TAFA5: variants seen among roughly 807,000 people sequenced by gnomAD.
The protein encoded by TAFA5 is TAFA chemokine like family member 5.
In TAFA5, 6 loss-of-function variants were observed where a neutral mutation model predicts 15.3. The ratio of observed to expected loss-of-function variants is 0.39; its 90% CI spans 0.21 to 0.77. The LOEUF (loss-of-function observed/expected upper bound fraction) is 0.77. Among genes scored for constraint, TAFA5 ranks in the 30% least tolerant of loss-of-function variants. The probability of loss-of-function intolerance (pLI) is 0.41; values close to 1 mark genes in which losing one functional copy is unlikely to be tolerated. For missense variants in TAFA5, 161 were observed against 193.1 expected (o/e 0.83, Z 0.98); for synonymous variants, 103 against 80.7 (o/e 1.28, Z -1.48).
At chr22:48,562,401 G>A (rs906058768) in intron 1 of TAFA5, among the ~76,000 whole-genome samples, 2 of 152,176 alleles carry the variant, frequency 1.3e-5, no homozygotes, top group Non-Finnish European at 2.9e-5. Context: ...GCCTCCCAAA[G>A]TGCTGGGATT....
intron 3 of TAFA5, among the ~76,000 whole-genome samples, chr22:48,735,717 C>T (rs1037725081): frequency 6.6e-5 from 10 of 151,984 alleles, no homozygotes; most frequent in Admixed American, 5.2e-4. Context: ...AGGCAGCAAT[C>T]GCCCTCCTAG....
Position 48,680,694 on chromosome 22 carries a change from G to A in TAFA5, c.263-27023G>A, listed in dbSNP as rs1298035960. 2.6e-5 allele frequency among the ~76,000 whole-genome samples: 4 copies of A among 152,362 alleles called. No individual in the cohort carries two copies. The East Asian group carries it at 5.8e-4, about 22-fold the overall frequency. ...ATGCCAGGTCTCTAGGGCAGAGGAG[G>A]ACTGAGGATGTGGTCCTCACCGTGG... On this transcript the variant is annotated intron_variant, in intron 2 of 3. Transcript: ENST00000402357.
intron 1 of TAFA5, among the ~76,000 whole-genome samples, chr22:48,575,437 C>T (rs1923736983): frequency 6.8e-6 from 1 of 146,334 alleles, no homozygotes; most frequent in South Asian, 2.1e-4. Flanking sequence ...GGCCCGGCCA[C>T]CTGGGCCGGC....
chr22:48,672,458 G>A (rs575691032), intron 2 of TAFA5, among the ~76,000 whole-genome samples: 20 of 151,956 alleles, frequency 1.3e-4, no homozygotes, highest in African/African-American at 4.8e-4. Context: ...TTTATCAGGG[G>A]AAAAAAAATG....
intron 3 of TAFA5, among the ~76,000 whole-genome samples, chr22:48,743,314 G>C (rs577928598): frequency 6.6e-6 from 1 of 152,214 alleles, no homozygotes; most frequent in African/African-American, 2.4e-5. Context: ...TCTTGCAGCC[G>C]CTGTGGCTGC....
intron 1 of TAFA5, among the ~76,000 whole-genome samples, chr22:48,546,306 A>C (rs1229796286): frequency 1.3e-5 from 2 of 152,150 alleles, no homozygotes; most frequent in African/African-American, 4.8e-5. Context: ...GTCAGTCCTC[A>C]TGTTGTGCCT....
chr22:48,531,761 C>T (rs905825147), intron 1 of TAFA5, among the ~76,000 whole-genome samples: 1 of 152,180 alleles, frequency 6.6e-6, no homozygotes, highest in Non-Finnish European at 1.5e-5. Context: ...TCTGGGACTG[C>T]CCCCAGGACT....
At chr22:48,561,076 G>A (rs1181659770) in intron 1 of TAFA5, among the ~76,000 whole-genome samples, 2 of 152,134 alleles carry the variant, frequency 1.3e-5, no homozygotes, top group African/African-American at 4.8e-5. Context: ...GGAGGTGGGT[G>A]GGGACTGTGG....
chr22:48,529,556 T>G (rs1601557866), intron 1 of TAFA5, among the ~76,000 whole-genome samples: 4 of 15,196 alleles, frequency 2.6e-4, no homozygotes, highest in African/African-American at 2.8e-4. Flanking sequence ...AGGCAGGAGA[T>G]GGGGGTGTCA....
intron 2 of TAFA5, among the ~76,000 whole-genome samples, chr22:48,678,761 TAAA>T (rs58165740): frequency 0.17 from 24,759 of 148,056 alleles, 2,351 homozygotes; most frequent in Admixed American, 0.29. Context: ...AAAACAAAGT[TAAA>T]AAAAAAAAAT....
chr22:48,696,803 C>T (rs130120), intron 2 of TAFA5, among the ~76,000 whole-genome samples: 42,131 of 152,210 alleles, frequency 0.28, 6,125 homozygotes, highest in Non-Finnish European at 0.31. Context: ...CTACATGAGA[C>T]GCAGGTTGTG....
At chr22:48,660,226 T>C (rs5771693) in intron 2 of TAFA5, among the ~76,000 whole-genome samples, 128,860 of 152,260 alleles carry the variant, frequency 0.85, 54,742 homozygotes, top group East Asian at 0.94. Context: ...TCCCAGTGCC[T>C]GGCAAGGAAG....
At chr22:48,564,636 A>G (rs1235010290) in intron 1 of TAFA5, among the ~76,000 whole-genome samples, 1 of 152,138 alleles carries the variant, frequency 6.6e-6, no homozygotes, top group Non-Finnish European at 1.5e-5. Context: ...CCAGCTCTGC[A>G]GGCCTTAGTT....
chr22:48,537,493 C>A (rs533709106), intron 1 of TAFA5, among the ~76,000 whole-genome samples: 13 of 152,374 alleles, frequency 8.5e-5, no homozygotes, highest in Non-Finnish European at 1.8e-4. Flanking sequence ...CTGGGCCCTG[C>A]CACTTACTGA....
At chr22:48,670,566 C>G (rs5771928) in intron 2 of TAFA5, among the ~76,000 whole-genome samples, 53,765 of 152,116 alleles carry the variant, frequency 0.35, 10,767 homozygotes, top group African/African-American at 0.56. Flanking sequence ...AAAATGGGGG[C>G]AATCCATCGG....
rs548819642 is a variant in TAFA5 at position 48,730,427 on chromosome 22, G to A, written c.391-19412G>A. The stretch of plus-strand genomic sequence containing the variant: ...AAGAAAAGGCCACATGCAGTGCGGT[G>A]GAGCCAACATGAGCAACAAAAGTGC... On this transcript the variant is annotated intron_variant, in intron 3 of 3. Transcript: ENST00000402357. 1.8e-3 allele frequency among the ~76,000 whole-genome samples: 275 copies of A among 152,214 alleles called. 1 individual carries two copies. Among genetic ancestry groups the A allele is most frequent in the African/African-American group, 6.5e-3 (269 of 41,560 alleles).
intron 1 of TAFA5, among the ~76,000 whole-genome samples, chr22:48,635,592 G>A (rs1296743265): frequency 6.6e-6 from 1 of 152,224 alleles, no homozygotes; most frequent in East Asian, 1.9e-4. Flanking sequence ...CAGCTAAGGG[G>A]GGCAGAGTCC....
At chr22:48,748,920 C>T (rs1930402981) in intron 3 of TAFA5, among the ~76,000 whole-genome samples, 2 of 152,140 alleles carry the variant, frequency 1.3e-5, no homozygotes, top group South Asian at 4.1e-4. Flanking sequence ...TTCAGCAGGG[C>T]CAGGGTCCCA....
chr22:48,615,236 G>T (rs974419149), intron 1 of TAFA5, among the ~76,000 whole-genome samples: 6 of 152,146 alleles, frequency 3.9e-5, no homozygotes, highest in Admixed American at 1.3e-4. Flanking sequence ...TTCTTAATTA[G>T]CACGAATCTG....
Sources: gnomAD v4.1 joint callset for allele counts (sites outside exome capture counted in the v4.1 genomes callset) on GRCh38, gnomAD v4.1.1 for gene constraint, MANE v1.5 for transcripts, NCBI Gene and HGNC (gene_info 2026-07-23, HGNC 2026-07-21) for gene names.